WARS1: variants seen among roughly 807,000 people sequenced by gnomAD.
The protein encoded by WARS1 is tryptophan--tRNA ligase, cytoplasmic.
Under a neutral mutation model 47.8 loss-of-function variants are expected in WARS1, and 17 were observed. The ratio of observed to expected loss-of-function variants is 0.36; its 90% CI spans 0.24 to 0.53. The LOEUF (loss-of-function observed/expected upper bound fraction) is 0.53, where lower values mean the gene tolerates loss of function less well. WARS1 is among the 20% of genes least tolerant of loss of function. The pLI is 0.91. For synonymous variants in WARS1, 208 were observed against 228.1 expected (o/e 0.91, Z 0.79); for missense variants, 434 against 608.0 (o/e 0.71, Z 3.01).
At chr14:100,356,535 A>C (rs913209381) in intron 4 of WARS1, among the ~76,000 whole-genome samples, 6 of 152,188 alleles carry the variant, frequency 3.9e-5, no homozygotes, top group African/African-American at 1.4e-4. Flanking sequence ...ATACCAATAC[A>C]TTAGATAACC....
chr14:100,346,885 G>A lies in WARS1; in HGVS notation c.726-39C>T, dbSNP rs370489879. ...GAGAATGAAATCCCAAACGGAGGGC[G>A]GCCTTCACTGAAGGCAAAGTCACAG... On this transcript the variant is annotated intron_variant, in intron 6 of 10. Transcript: ENST00000392882. The A allele has an allele frequency of 1.5e-5, 24 of 1,570,810 alleles. No individual in the cohort carries two copies. In the African/African-American group the frequency reaches 1.6e-4, roughly 11 times the overall value.
chr14:100,337,922 G>A (rs1229801001), intron 9 of WARS1, among the ~76,000 whole-genome samples: 1 of 152,076 alleles, frequency 6.6e-6, no homozygotes, highest in East Asian at 1.9e-4. Flanking sequence ...CATCCTCAGA[G>A]TAAGGGAGAT....
chr14:100,353,771 T>C lies in WARS1; in HGVS notation c.641A>G (p.Tyr214Cys). 3.7e-6 allele frequency: 6 copies of C among 1,614,166 alleles called. No homozygotes were observed. Among genetic ancestry groups the C allele is most frequent in the Non-Finnish European group, 5.1e-6 (6 of 1,180,032 alleles). Residue 214 changes from tyrosine to cysteine, a missense_variant, in exon 6 of 11, where the codon TAT becomes TGT. Transcript: ENST00000392882. ...GATGTCCTTGGCATTCTCCACAGCA[T>C]AGCTATAGGCCTGGTCCAGGGTCAG... ...KDLTLDQAYSYAVENAKDIIA... is the reference protein window; with the variant it reads ...KDLTLDQAYSCAVENAKDIIA...
chr14:100,338,206 C>T (rs1893881664), intron 9 of WARS1, among the ~76,000 whole-genome samples: 1 of 152,082 alleles, frequency 6.6e-6, no homozygotes, highest in African/African-American at 2.4e-5. Flanking sequence ...CTAATAAAAG[C>T]CAGAACAAAT....
At chr14:100,366,588 AG>A (rs1316611470) in intron 2 of WARS1, 1 of 689,372 alleles carries the variant, frequency 1.5e-6, no homozygotes, top group African/African-American at 1.8e-5. Context: ...TCAGAGAGAG[AG>A]AGTTGAGTGT....
intron 6 of WARS1, among the ~76,000 whole-genome samples, chr14:100,350,904 A>C (rs1468702976): frequency 6.6e-6 from 1 of 152,140 alleles, no homozygotes; most frequent in Admixed American, 6.5e-5. Flanking sequence ...TGCCTTTGGA[A>C]GAAAGTGTAG....
At chr14:100,366,529 T>G (rs1035070852) in intron 2 of WARS1, 18 of 504,680 alleles carry the variant, frequency 3.6e-5, no homozygotes, top group East Asian at 3.1e-4. Flanking sequence ...TGGAAGAAAC[T>G]GAGGTTATAA....
In WARS1 at chr14:100,334,673, C is replaced by T. The variant is rs201581298; in HGVS notation, c.*202G>A. The T allele has an allele frequency of 3.7e-5, 20 of 536,958 alleles. No homozygotes were observed. In the East Asian group the frequency reaches 4.0e-4, roughly 11 times the overall value. The allele number at this position is 536,958 out of a possible 1,614,324, so 33.3% of individuals were successfully genotyped here. A position where few individuals can be genotyped will look rare whatever the true frequency, so the allele number is the denominator to read the frequency against. On this transcript the variant is annotated 3_prime_UTR_variant, in exon 11 of 11. Transcript: ENST00000392882. ...TGCAATGTTAGCCAGCACCAATTAC[C>T]CACAATGCTTTGCCCATAAGAGATA...
chr14:100,351,275 CCA>C (rs1404016476), intron 6 of WARS1, among the ~76,000 whole-genome samples: 1 of 152,108 alleles, frequency 6.6e-6, no homozygotes, highest in Non-Finnish European at 1.5e-5. Context: ...GAAGCAGAAC[CCA>C]CAGTTGTCTC....
intron 7 of WARS1, among the ~76,000 whole-genome samples, chr14:100,345,289 A>T (rs1894522014): frequency 6.6e-6 from 1 of 151,916 alleles, no homozygotes; most frequent in African/African-American, 2.4e-5. Flanking sequence ...GTGTAGAAAG[A>T]GGTAGACATG....
chr14:100,366,648 A>T, intron 2 of WARS1: 1 of 768,530 alleles, frequency 1.3e-6, no homozygotes, highest in South Asian at 1.4e-5. Context: ...CATGGACATG[A>T]GCATGGACAT....
rs1893534950 is a variant in WARS1 at position 100,333,893 on chromosome 14, T to C, written c.*982A>G. On this transcript the variant is annotated 3_prime_UTR_variant, in exon 11 of 11. Coordinates refer to ENST00000392882, the MANE Select transcript of WARS1 (RefSeq NM_004184.4). ...CAAGGACTTCCCTGAGATTTGGCTTTGCTCTTCCAGGCCTGCACATGCTGC... is the reference window on the plus strand; with the variant it reads ...CAAGGACTTCCCTGAGATTTGGCTTCGCTCTTCCAGGCCTGCACATGCTGC... 6.5e-6 allele frequency: 1 copy of C among 152,758 alleles called. No homozygotes were observed. The highest frequency in any genetic ancestry group is 1.5e-5 in the Non-Finnish European group (1 of 68,112). The allele number at this position is 152,758 out of a possible 1,614,324, so 9.5% of individuals were successfully genotyped here. A position where few individuals can be genotyped will look rare whatever the true frequency, so the allele number is the denominator to read the frequency against.
At chr14:100,344,495 T>C (rs1894396480) in intron 7 of WARS1, among the ~76,000 whole-genome samples, 1 of 152,178 alleles carries the variant, frequency 6.6e-6, no homozygotes, top group South Asian at 2.1e-4. Context: ...AGCCTCTGCA[T>C]GGCCGCCACC....
At chr14:100,366,986 G>T in intron 2 of WARS1, 1 of 1,282,042 alleles carries the variant, frequency 7.8e-7, no homozygotes, top group Non-Finnish European at 1.1e-6. Context: ...CTTCACTGTA[G>T]CCTACTCGTC....
rs1287365395 is a variant in WARS1 at position 100,343,312 on chromosome 14, G to C, written c.902C>G (p.Thr301Arg). ...ACATGGGATAAGGCACTGGATATCC[G>C]TCCTGTCTCGGAAGATCTGTGGGAA... ...NSFPQIFRDR[T>R]DIQCLIPCAI... is the part of the protein sequence containing the mutation. Residue 301 changes from threonine (T) to arginine (R), a missense_variant, in exon 8 of 11, where the codon ACG becomes AGG. Transcript: ENST00000392882. 6.2e-7 allele frequency: 1 copy of C among 1,613,084 alleles called. No individual in the cohort carries two copies. Among genetic ancestry groups the C allele is most frequent in the Admixed American group, 1.7e-5 (1 of 59,968 alleles).
At chr14:100,360,486 T>C (rs1895593309) in intron 4 of WARS1, 68 bp downstream of exon 4, 3 of 1,270,886 alleles carry the variant, frequency 2.4e-6, no homozygotes, top group Non-Finnish European at 3.4e-6. Context: ...ATGAAGAGAG[T>C]GTCTTACGAT....
At chr14:100,367,496 G>A (rs1277572000) in intron 2 of WARS1, among the ~76,000 whole-genome samples, 3 of 148,546 alleles carry the variant, frequency 2.0e-5, no homozygotes, top group African/African-American at 5.0e-5. Context: ...GCTAAGACAG[G>A]AGAACTGCTT....
chr14:100,369,044 G>A, intron 2 of WARS1, 43 bp downstream of exon 2: 1 of 1,432,284 alleles, frequency 7.0e-7, no homozygotes, highest in South Asian at 1.4e-5. Context: ...ACAGACTTGG[G>A]AGGCTCAGCT....
chr14:100,364,267 T>C (rs1397354400), intron 2 of WARS1, among the ~76,000 whole-genome samples: 1 of 152,266 alleles, frequency 6.6e-6, no homozygotes. Flanking sequence ...TCTTTAGTCC[T>C]GCTCAAACTA....
Sources: allele counts gnomAD v4.1 joint callset (sites outside exome capture counted in the v4.1 genomes callset), GRCh38; gene constraint gnomAD v4.1.1; transcripts MANE v1.5; gene names NCBI Gene and HGNC (gene_info 2026-07-23, HGNC 2026-07-21).